HPSE2: variants seen among roughly 807,000 people sequenced by gnomAD.
HPSE2 encodes the protein inactive heparanase-2.
In HPSE2, 38 loss-of-function variants were observed where a neutral mutation model predicts 60.5. That is an observed-to-expected ratio of 0.63 (90% CI 0.48 to 0.82). The LOEUF (loss-of-function observed/expected upper bound fraction) is 0.82, where lower values mean the gene tolerates loss of function less well. Among genes scored for constraint, HPSE2 ranks in the 40% least tolerant of loss-of-function variants. The pLI is 0.00. For synonymous variants in HPSE2, 295 were observed against 293.2 expected, an observed-to-expected ratio of 1.01 and a Z score of -0.06; for missense variants, 713 against 740.4, an observed-to-expected ratio of 0.96 and a Z score of 0.43.
chr10:98,668,445 C>T (rs182126952), intron 6 of HPSE2, among the ~76,000 whole-genome samples: 3 of 152,076 alleles, frequency 2.0e-5, no homozygotes, highest in Non-Finnish European at 4.4e-5. Context: ...AAAAGGAGCC[C>T]GATTAGCCAA....
intron 3 of HPSE2, among the ~76,000 whole-genome samples, chr10:98,908,161 A>G (rs1953875883): frequency 1.3e-5 from 2 of 152,148 alleles, no homozygotes; most frequent in Non-Finnish European, 2.9e-5. Flanking sequence ...GTAAGTTGTT[A>G]ATTAGTCACA....
intron 2 of HPSE2, among the ~76,000 whole-genome samples, chr10:99,202,182 G>C (rs1213106789): frequency 6.6e-6 from 1 of 152,150 alleles, no homozygotes; most frequent in Non-Finnish European, 1.5e-5. Flanking sequence ...GTTATATATA[G>C]TGATTTTTAA....
At chr10:98,870,601 G>A (rs1188241013) in intron 3 of HPSE2, among the ~76,000 whole-genome samples, 1 of 152,054 alleles carries the variant, frequency 6.6e-6, no homozygotes, top group Non-Finnish European at 1.5e-5. Context: ...AATACTAAAT[G>A]CAAAAAATAA....
intron 6 of HPSE2, among the ~76,000 whole-genome samples, chr10:98,662,338 A>G (rs985949249): frequency 1.3e-4 from 20 of 152,358 alleles, no homozygotes; most frequent in Non-Finnish European, 2.8e-4. Flanking sequence ...GAATTAATCT[A>G]GGGTTTCACA....
chr10:98,688,708 T>C lies in HPSE2; in HGVS notation c.1004+5192A>G, dbSNP rs956814204. On this transcript the variant is annotated intron_variant, in intron 6 of 11. Coordinates refer to ENST00000370552, the MANE Select transcript of HPSE2 (RefSeq NM_021828.5). ...TCAGGCTGGTCTTGAACTCCTGACC[T>C]CAGGTGATCCACCTGTCTCAGCCTC... Among the ~76,000 whole-genome samples, 6 of 151,834 alleles carry C rather than the reference T, an allele frequency of 4.0e-5. No homozygotes were observed. The East Asian group carries it at 9.7e-4, about 25-fold the overall frequency.
the HPSE2 span, among the ~76,000 whole-genome samples, chr10:99,277,458 C>T: frequency 6.6e-6 from 1 of 152,034 alleles, no homozygotes; most frequent in African/African-American, 2.4e-5. Flanking sequence ...AAAATGAATC[C>T]CTTATGAGGT....
At chr10:98,761,972 TTC>T (rs1950014527) in intron 3 of HPSE2, among the ~76,000 whole-genome samples, 1 of 147,812 alleles carries the variant, frequency 6.8e-6, no homozygotes, top group African/African-American at 2.5e-5. Context: ...CTCATTTACC[TTC>T]CCTCCCCTCC....
chr10:99,214,872 T>C (rs1212086464), intron 2 of HPSE2, among the ~76,000 whole-genome samples: 3 of 151,988 alleles, frequency 2.0e-5, no homozygotes, highest in African/African-American at 4.8e-5. Context: ...GAAATGCAAA[T>C]CAAAACCACA....
At chr10:99,070,744 T>C (rs991466414) in intron 3 of HPSE2, among the ~76,000 whole-genome samples, 16 of 152,224 alleles carry the variant, frequency 1.1e-4, no homozygotes, top group Admixed American at 7.9e-4. Flanking sequence ...TTTGTACATG[T>C]GGAATAATAC....
chr10:99,083,966 CTTTTTTTTTTT>C (rs34799799), intron 3 of HPSE2, among the ~76,000 whole-genome samples: 4 of 79,764 alleles, frequency 5.0e-5, no homozygotes, highest in Admixed American at 3.6e-4. Flanking sequence ...GTGTGAAAGC[CTTTTTTTTTTT>C]TTTTTTTTTT....
At chr10:98,621,343 C>A (rs1167140294) in intron 7 of HPSE2, among the ~76,000 whole-genome samples, 1 of 152,026 alleles carries the variant, frequency 6.6e-6, no homozygotes, top group African/African-American at 2.4e-5. Context: ...AGGTGGCACA[C>A]TGAAGATTTG....
chr10:98,689,365 A>G (rs536863298), intron 6 of HPSE2, among the ~76,000 whole-genome samples: 13 of 152,044 alleles, frequency 8.6e-5, no homozygotes, highest in Non-Finnish European at 1.6e-4. Context: ...GTGGTTTCCA[A>G]TCTCTTGACA....
At position 98,541,797 on chromosome 10, in the gene HPSE2, G is replaced by C. The variant is rs1943473212; in HGVS notation, c.1321-51601C>G. Among the ~76,000 whole-genome samples, 3 of 152,246 alleles carry C rather than the reference G, an allele frequency of 2.0e-5. No homozygotes were observed. In the South Asian group the frequency reaches 6.2e-4, roughly 32 times the overall value. ...ACCCGCCATTGCCCAGCCTTGCTTA[G>C]GTAAACAAAGCAGCCAGGAAGCTGG... is the stretch of plus-strand genomic sequence containing the variant. On this transcript the variant is annotated intron_variant, in intron 9 of 11. Coordinates refer to ENST00000370552, the MANE Select transcript of HPSE2 (RefSeq NM_021828.5).
At chr10:98,481,923 AGTT>A (rs1277758413) in intron 11 of HPSE2, among the ~76,000 whole-genome samples, 3 of 152,050 alleles carry the variant, frequency 2.0e-5, no homozygotes, top group East Asian at 1.9e-4. Flanking sequence ...TGTGGCCTAG[AGTT>A]GTTTTGTTTG....
At chr10:98,729,698 GA>G (rs1949182118) in intron 4 of HPSE2, among the ~76,000 whole-genome samples, 1 of 151,628 alleles carries the variant, frequency 6.6e-6, no homozygotes. Context: ...ACTAATATCA[GA>G]AAAAATAGAT....
At chr10:99,057,753 G>A (rs1291528974) in intron 3 of HPSE2, among the ~76,000 whole-genome samples, 2 of 152,116 alleles carry the variant, frequency 1.3e-5, no homozygotes, top group Non-Finnish European at 2.9e-5. Flanking sequence ...CTGACATGGT[G>A]ATGAACTTAT....
At chr10:99,237,620 A>AT (rs1849892988), upstream of HPSE2, among the ~76,000 whole-genome samples, 1 of 152,324 alleles carries the variant, frequency 6.6e-6, no homozygotes, top group East Asian at 1.9e-4. Flanking sequence ...TTTAAAGATG[A>AT]TTTTTTTAAA....
At chr10:98,935,713 G>A (rs1564669354) in intron 3 of HPSE2, among the ~76,000 whole-genome samples, 2 of 144,204 alleles carry the variant, frequency 1.4e-5, no homozygotes, top group South Asian at 4.2e-4. Flanking sequence ...TCCTATATAA[G>A]GCATCTGCCA....
At chr10:98,567,266 T>C (rs1944373979) in intron 9 of HPSE2, among the ~76,000 whole-genome samples, 1 of 152,220 alleles carries the variant, frequency 6.6e-6, no homozygotes, top group Non-Finnish European at 1.5e-5. Context: ...CATACATCCC[T>C]TCTGAGCTGA....
Sources: gnomAD v4.1 joint callset for allele counts (sites outside exome capture counted in the v4.1 genomes callset) on GRCh38, gnomAD v4.1.1 for gene constraint, MANE v1.5 for transcripts, NCBI Gene and HGNC (gene_info 2026-07-23, HGNC 2026-07-21) for gene names.